The following ACVR2A variants were observed in gnomAD, a reference collection of about 807,000 sequenced individuals.
ACVR2A encodes activin A receptor type 2A.
In ACVR2A, 7 loss-of-function variants were observed where a neutral mutation model predicts 61.4. The ratio of observed to expected loss-of-function variants is 0.11; its 90% CI spans 0.06 to 0.21. The LOEUF (loss-of-function observed/expected upper bound fraction) is 0.21. Among genes scored for constraint, ACVR2A ranks in the 10% least tolerant of loss-of-function variants. ACVR2A has a pLI of 1.00. For synonymous variants in ACVR2A, 193 were observed against 208.3 expected (o/e 0.93, Z 0.63); for missense variants, 322 against 621.7 (o/e 0.52, Z 5.13).
Position 147,917,519 on chromosome 2 carries a change from A to G in ACVR2A, c.816+93A>G, listed in dbSNP as rs1479021764. ...ATCCCTCAGAGTTATTTTTCGAGAC[A>G]TCTTATAGTTGATTAATATTTAACC... On this transcript the variant is annotated intron_variant, in intron 6 of 10. Coordinates refer to ENST00000241416, the MANE Select transcript of ACVR2A (RefSeq NM_001616.5). 1.6e-5 allele frequency: 21 copies of G among 1,277,732 alleles called. 1 individual carries two copies. The highest frequency in any genetic ancestry group is 4.2e-5 in the South Asian group (3 of 70,670). 79.1% of individuals were successfully genotyped at this position (1,277,732 alleles called of 1,614,324 possible). A position where few individuals can be genotyped will look rare whatever the true frequency, so the allele number is the denominator to read the frequency against.
At chr2:147,857,219 C>T (rs780432364) in intron 1 of ACVR2A, among the ~76,000 whole-genome samples, 1 of 152,022 alleles carries the variant, frequency 6.6e-6, no homozygotes, top group Non-Finnish European at 1.5e-5. Flanking sequence ...GACTTTTTAC[C>T]TGCAGATCTT....
At chr2:147,905,796 C>A (rs1408457838) in intron 4 of ACVR2A, among the ~76,000 whole-genome samples, 2 of 152,050 alleles carry the variant, frequency 1.3e-5, no homozygotes, top group African/African-American at 4.8e-5. Flanking sequence ...CTTACAAATG[C>A]TCAGACAAGG....
In ACVR2A at chr2:147,927,089, A is replaced by G. The variant is rs762399265; in HGVS notation, c.1357A>G (p.Met453Val). 22 of 1,611,414 alleles carry G rather than the reference A, an allele frequency of 1.4e-5. 2 individuals carry two copies. The South Asian group carries it at 1.9e-4, about 14-fold the overall frequency. The stretch of plus-strand genomic sequence containing the variant: ...GTTTTTCTCCTTTTAGGGAATGGCA[A>G]TGCTCTGTGAAACCATTGAAGAATG... The part of the protein sequence containing the change: ...DYWQKHAGMA[M>V]LCETIEECWD... The change falls in exon 11 of 11, where the codon ATG becomes GTG. Residue 453 changes from methionine to valine, a missense_variant. Coordinates refer to ENST00000241416, the MANE Select transcript of ACVR2A (RefSeq NM_001616.5).
chr2:147,864,113 T>C (rs1222962546), intron 1 of ACVR2A, among the ~76,000 whole-genome samples: 1 of 152,220 alleles, frequency 6.6e-6, no homozygotes, highest in African/African-American at 2.4e-5. Flanking sequence ...TAAGTACGAA[T>C]AGTTCTGGCA....
At chr2:147,910,770 T>C (rs910327872) in intron 4 of ACVR2A, among the ~76,000 whole-genome samples, 1 of 152,150 alleles carries the variant, frequency 6.6e-6, no homozygotes, top group African/African-American at 2.4e-5. Context: ...TGAGTGTCTT[T>C]AGAATGTGAG....
At position 147,894,404 on chromosome 2, in the gene ACVR2A, G is replaced by T. The variant is rs533453029; in HGVS notation, c.56-1897G>T. Reference sequence around the variant, plus strand: ...ATTTTGTAAATGCTAGTTGCAGTGGGGAAGCTGAAACCATTGATGAACTTT... The same window carrying T: ...ATTTTGTAAATGCTAGTTGCAGTGGTGAAGCTGAAACCATTGATGAACTTT... On this transcript the variant is annotated intron_variant, in intron 1 of 10. Coordinates refer to ENST00000241416, the MANE Select transcript of ACVR2A (RefSeq NM_001616.5). Among the ~76,000 whole-genome samples, 308 of 152,120 alleles carry T rather than the reference G, an allele frequency of 2.0e-3. 1 individual carries two copies. The highest frequency in any genetic ancestry group is 3.7e-3 in the Non-Finnish European group (250 of 67,944).
At position 147,859,159 on chromosome 2, in the gene ACVR2A, A is replaced by G. The variant is rs545105222; in HGVS notation, c.55+13952A>G. On this transcript the variant is annotated intron_variant, in intron 1 of 10. Transcript: ENST00000241416. ...TAGTCTAGCAATACAACTTTGTTTT[A>G]CCCCCAAGAATAACTCTGTCTCTGA... Among the ~76,000 whole-genome samples the G allele has an allele frequency of 5.3e-5, 8 of 152,186 alleles. No homozygotes were observed. In the East Asian group the frequency reaches 1.5e-3, roughly 29 times the overall value.
upstream of ACVR2A, chr2:147,844,770 C>T (rs938577227): frequency 3.7e-5 from 6 of 163,518 alleles, no homozygotes; most frequent in African/African-American, 7.2e-5. Flanking sequence ...ACGCCGCTGC[C>T]GCCGCCGCCT....
intron 1 of ACVR2A, among the ~76,000 whole-genome samples, chr2:147,865,678 C>A (rs1321702373): frequency 1.3e-5 from 2 of 152,200 alleles, no homozygotes; most frequent in African/African-American, 4.8e-5. Flanking sequence ...TGATTCTGAT[C>A]TCCCTCCTGA....
intron 1 of ACVR2A, among the ~76,000 whole-genome samples, chr2:147,878,537 C>G (rs1448223527): frequency 1.3e-5 from 2 of 151,742 alleles, no homozygotes; most frequent in African/African-American, 4.8e-5. Context: ...TTTTGGTTGC[C>G]TTTTCTCTGA....
Position 147,930,354 on chromosome 2 carries a change from T to A in ACVR2A, c.*3080T>A, listed in dbSNP as rs1204729083. On this transcript the variant is annotated 3_prime_UTR_variant, in exon 11 of 11. Coordinates refer to ENST00000241416, the MANE Select transcript of ACVR2A (RefSeq NM_001616.5). ...GGAATAAACTGATTACTGGTTTTTT[T>A]GTTTTTTTTTTTTTTTTTAAAGAAA... is the stretch of plus-strand genomic sequence containing the variant. The A allele has an allele frequency of 8.4e-6, 1 of 118,726 alleles. No individual in the cohort carries two copies. Among genetic ancestry groups the A allele is most frequent in the Non-Finnish European group, 1.7e-5 (1 of 58,790 alleles). The allele number at this position is 118,726 out of a possible 1,614,324, so 7.4% of individuals were successfully genotyped here. A position where few individuals can be genotyped will look rare whatever the true frequency, so the allele number is the denominator to read the frequency against.
chr2:147,869,185 C>T (rs1329648040), intron 1 of ACVR2A, among the ~76,000 whole-genome samples: 1 of 151,866 alleles, frequency 6.6e-6, no homozygotes, highest in Admixed American at 6.6e-5. Context: ...TTTCATATTC[C>T]TTAGAAAACT....
rs1204729083 is a variant in ACVR2A, at chr2:147,930,354, T to G, written c.*3080T>G. 8.4e-6 allele frequency: 1 copy of G among 118,726 alleles called. No individual in the cohort carries two copies. 7.4% of individuals were successfully genotyped at this position (118,726 alleles called of 1,614,324 possible). On this transcript the variant is annotated 3_prime_UTR_variant, in exon 11 of 11. Coordinates refer to ENST00000241416, the MANE Select transcript of ACVR2A (RefSeq NM_001616.5). ...GGAATAAACTGATTACTGGTTTTTT[T>G]GTTTTTTTTTTTTTTTTTAAAGAAA...
At position 147,919,781 on chromosome 2, in the gene ACVR2A, A is replaced by T. The variant is rs530414676; in HGVS notation, c.963-449A>T. 7.9e-5 allele frequency among the ~76,000 whole-genome samples: 12 copies of T among 152,144 alleles called. No individual in the cohort carries two copies. The South Asian group carries it at 8.3e-4, about 10-fold the overall frequency. On this transcript the variant is annotated intron_variant, in intron 7 of 10. Transcript: ENST00000241416. ...GGTGGAAGAATATAAGAACCTCTAT[A>T]ATAAGGGATTATTCTAAAATGTAGG...
intron 1 of ACVR2A, among the ~76,000 whole-genome samples, chr2:147,866,247 G>T (rs1333870106): frequency 1.3e-5 from 2 of 152,210 alleles, no homozygotes; most frequent in Admixed American, 6.5e-5. Context: ...AGTGGCATGC[G>T]CTGGGTTTGT....
Position 147,930,363 on chromosome 2 carries a change from T to C in ACVR2A, c.*3089T>C, listed in dbSNP as rs1392911173. 1 of 151,358 alleles carries C rather than the reference T, an allele frequency of 6.6e-6. No homozygotes were observed. Among genetic ancestry groups the C allele is most frequent in the African/African-American group, 2.4e-5 (1 of 41,234 alleles). 9.4% of individuals were successfully genotyped at this position (151,358 alleles called of 1,614,324 possible). On this transcript the variant is annotated 3_prime_UTR_variant, in exon 11 of 11. Transcript: ENST00000241416. ...TGATTACTGGTTTTTTTGTTTTTTT[T>C]TTTTTTTTTAAAGAAAGAAGCTTCA...
At chr2:147,899,022 C>T (rs907826827) in intron 2 of ACVR2A, among the ~76,000 whole-genome samples, 6 of 152,078 alleles carry the variant, frequency 3.9e-5, no homozygotes, top group African/African-American at 9.7e-5. Context: ...TGTATACATA[C>T]ACACACATAC....
intron 1 of ACVR2A, among the ~76,000 whole-genome samples, chr2:147,887,044 A>G (rs1350147212): frequency 6.6e-6 from 1 of 151,882 alleles, no homozygotes; most frequent in Non-Finnish European, 1.5e-5. Context: ...GACCTTATCT[A>G]TACAAAAAAT....
At chr2:147,914,929 A>C (rs1315992197) in intron 4 of ACVR2A, among the ~76,000 whole-genome samples, 1 of 151,964 alleles carries the variant, frequency 6.6e-6, no homozygotes, top group Non-Finnish European at 1.5e-5. Flanking sequence ...CTGATCAGAA[A>C]GATTTTAGAT....
Sources: gnomAD v4.1 joint callset for allele counts (sites outside exome capture counted in the v4.1 genomes callset) on GRCh38, gnomAD v4.1.1 for gene constraint, MANE v1.5 for transcripts, NCBI Gene and HGNC (gene_info 2026-07-23, HGNC 2026-07-21) for gene names.